The following ANKRD44 variants were observed in gnomAD, a reference collection of about 807,000 sequenced individuals.
The protein encoded by ANKRD44 is serine/threonine-protein phosphatase 6 regulatory ankyrin repeat subunit B.
ANKRD44 carries 35 observed loss-of-function variants against 116.0 expected under a neutral mutation model. The observed-to-expected ratio is 0.30, with a 90% CI of 0.23 to 0.40. ANKRD44 has a LOEUF of 0.40. Ranked by LOEUF, ANKRD44 falls within the 10% of genes least tolerant of loss-of-function variation. The probability of loss-of-function intolerance (pLI) is 1.00; values close to 1 mark genes in which losing one functional copy is unlikely to be tolerated. For missense variants in ANKRD44, 1,014 were observed against 1,242.6 expected, an observed-to-expected ratio of 0.82 and a Z score of 2.77; for synonymous variants, 435 against 461.8, an observed-to-expected ratio of 0.94 and a Z score of 0.74.
At chr2:197,109,061 C>G (rs1015763900) in intron 9 of ANKRD44, among the ~76,000 whole-genome samples, 14 of 152,138 alleles carry the variant, frequency 9.2e-5, no homozygotes, top group African/African-American at 3.4e-4. Context: ...CAGGGATGAA[C>G]CTGCGGGGAA....
intron 14 of ANKRD44, among the ~76,000 whole-genome samples, chr2:197,082,437 T>C (rs1050115952): frequency 1.3e-5 from 2 of 152,198 alleles, no homozygotes; most frequent in Non-Finnish European, 2.9e-5. Context: ...ACTTAATGGG[T>C]TGTAGTCAGC....
chr2:197,077,701 GGTT>G (rs2077700504), intron 16 of ANKRD44: 1 of 152,118 alleles, frequency 6.6e-6, no homozygotes. Flanking sequence ...GGCTGACTGA[GGTT>G]TCTTTCCTGA....
intron 16 of ANKRD44, 31 bp downstream of exon 16, chr2:197,078,672 G>C: frequency 6.2e-6 from 10 of 1,607,330 alleles, no homozygotes; most frequent in Non-Finnish European, 8.5e-6. Flanking sequence ...GTGTGTGTGT[G>C]TGTTAGAGAA....
intron 1 of ANKRD44, among the ~76,000 whole-genome samples, chr2:197,223,200 G>T (rs977421669): frequency 1.3e-5 from 2 of 152,074 alleles, no homozygotes; most frequent in African/African-American, 4.8e-5. Context: ...TATACCTACT[G>T]CTCAGATCAA....
chr2:197,002,247 G>GA (rs1355236611), intron 21 of ANKRD44, among the ~76,000 whole-genome samples: 4 of 152,152 alleles, frequency 2.6e-5, no homozygotes, highest in African/African-American at 7.2e-5. Context: ...GTGGAGAGGC[G>GA]AAACTGTGAT....
chr2:197,299,988 C>T (rs2083848648), intron 1 of ANKRD44, among the ~76,000 whole-genome samples: 1 of 152,196 alleles, frequency 6.6e-6, no homozygotes. Context: ...ATGCAACATT[C>T]TATCCAAGCC....
chr2:197,106,666 T>C (rs962587305), intron 9 of ANKRD44, among the ~76,000 whole-genome samples: 1 of 149,436 alleles, frequency 6.7e-6, no homozygotes, highest in Admixed American at 6.7e-5. Flanking sequence ...GGCAGGCGCA[T>C]GTAGTCCCAG....
At chr2:197,168,947 C>T (rs2080163672) in intron 2 of ANKRD44, among the ~76,000 whole-genome samples, 1 of 152,202 alleles carries the variant, frequency 6.6e-6, no homozygotes, top group African/African-American at 2.4e-5. Flanking sequence ...CTCTCCCTGT[C>T]ACAATCTGTA....
At chr2:197,176,922 T>TAAA (rs2080378500) in intron 2 of ANKRD44, among the ~76,000 whole-genome samples, 2 of 151,070 alleles carry the variant, frequency 1.3e-5, no homozygotes, top group African/African-American at 4.8e-5. Flanking sequence ...TTCAAGGGTA[T>TAAA]AATAATAATA....
chr2:197,047,845 G>A (rs1272916153), intron 16 of ANKRD44, among the ~76,000 whole-genome samples: 1 of 151,984 alleles, frequency 6.6e-6, no homozygotes, highest in Non-Finnish European at 1.5e-5. Flanking sequence ...AGGAGGCGGA[G>A]GTTGCAGTGA....
chr2:197,164,544 A>G (rs1030496567), intron 2 of ANKRD44, among the ~76,000 whole-genome samples: 5 of 152,090 alleles, frequency 3.3e-5, no homozygotes, highest in Non-Finnish European at 7.4e-5. Flanking sequence ...GAAAGAAACA[A>G]AGGCCGGCTT....
chr2:197,289,105 C>A lies in ANKRD44; in HGVS notation c.27+21473G>T, dbSNP rs555832827. On this transcript the variant is annotated intron_variant, in intron 1 of 27. Coordinates refer to ENST00000282272, the MANE Select transcript of ANKRD44 (RefSeq NM_001195144.2). Reference sequence around the variant, plus strand: ...TGATAAATACTCAAAGTGATGAATACCCCCAAATACACTGGTTTGGTCATT... The same window carrying A: ...TGATAAATACTCAAAGTGATGAATAACCCCAAATACACTGGTTTGGTCATT... Among the ~76,000 whole-genome samples the A allele has an allele frequency of 8.5e-5, 13 of 152,204 alleles. No homozygotes were observed. In the East Asian group the frequency reaches 2.3e-3, roughly 27 times the overall value.
At chr2:197,039,378 C>T (rs2076864979) in intron 16 of ANKRD44, among the ~76,000 whole-genome samples, 1 of 152,138 alleles carries the variant, frequency 6.6e-6, no homozygotes, top group African/African-American at 2.4e-5. Context: ...CTTAATATCT[C>T]TCCTTGGGAT....
chr2:197,091,139 C>T (rs1380981098), intron 10 of ANKRD44, among the ~76,000 whole-genome samples: 1 of 152,202 alleles, frequency 6.6e-6, no homozygotes, highest in Non-Finnish European at 1.5e-5. Flanking sequence ...TTAAGCCAAC[C>T]GTGGACGGCA....
At chr2:197,236,757 G>T (rs1298990356) in intron 1 of ANKRD44, among the ~76,000 whole-genome samples, 1 of 151,250 alleles carries the variant, frequency 6.6e-6, no homozygotes, top group East Asian at 1.9e-4. Context: ...AAGGATAGGA[G>T]AAAAAGAGAA....
chr2:197,158,784 C>T (rs990484690), intron 2 of ANKRD44, among the ~76,000 whole-genome samples: 1 of 152,118 alleles, frequency 6.6e-6, no homozygotes, highest in Admixed American at 6.5e-5. Flanking sequence ...TTCATTCATA[C>T]AATAGACAAA....
intron 2 of ANKRD44, among the ~76,000 whole-genome samples, chr2:197,169,172 T>G (rs1222239633): frequency 1.3e-5 from 2 of 152,170 alleles, no homozygotes; most frequent in Non-Finnish European, 2.9e-5. Flanking sequence ...CTAACCCTCC[T>G]TGGGGCCTTT....
At chr2:197,026,082 G>A (rs1015650140) in intron 16 of ANKRD44, among the ~76,000 whole-genome samples, 1 of 144,896 alleles carries the variant, frequency 6.9e-6, no homozygotes, top group African/African-American at 2.5e-5. Context: ...GGCAATTTGT[G>A]CATATCTTTT....
chr2:197,181,311 CAAAAT>C (rs2080499162), intron 2 of ANKRD44, among the ~76,000 whole-genome samples: 1 of 152,042 alleles, frequency 6.6e-6, no homozygotes. Flanking sequence ...CTACTGAAAA[CAAAAT>C]AAAATGGAGG....
Sources: allele counts gnomAD v4.1 joint callset (sites outside exome capture counted in the v4.1 genomes callset), GRCh38; gene constraint gnomAD v4.1.1; transcripts MANE v1.5; gene names NCBI Gene and HGNC (gene_info 2026-07-23, HGNC 2026-07-21).